Variants in TENM1 observed in about 807,000 individuals in gnomAD.
TENM1 encodes the protein teneurin-1.
A neutral mutation model predicts 174.8 loss-of-function variants in TENM1; 35 were observed. The ratio of observed to expected loss-of-function variants is 0.20; its 90% CI spans 0.15 to 0.27. The LOEUF is 0.27. Among genes scored for constraint, TENM1 ranks in the 10% least tolerant of loss-of-function variants. The pLI is 1.00. For synonymous variants in TENM1, 781 were observed against 798.7 expected (o/e 0.98, Z 0.37); for missense variants, 1,633 against 2,130.1 (o/e 0.77, Z 4.59).
intron 3 of TENM1, among the ~76,000 whole-genome samples, chrX:124,865,047 G>T (rs1344168248): frequency 1.8e-5 from 2 of 111,146 alleles, no homozygotes; most frequent in East Asian, 5.7e-4. Context: ...AGAAACAAAG[G>T]CTTCCCCAGA....
At chrX:125,070,552 T>TG in the TENM1 span, among the ~76,000 whole-genome samples, 1 of 111,513 alleles carries the variant, frequency 9.0e-6, no homozygotes, top group Non-Finnish European at 1.9e-5. Context: ...CAAGTTTACT[T>TG]GTTAAGGTTC....
intron 11 of TENM1, among the ~76,000 whole-genome samples, chrX:124,569,454 C>T (rs755482973): frequency 1.8e-5 from 2 of 111,797 alleles, no homozygotes; most frequent in Non-Finnish European, 3.8e-5. Flanking sequence ...ACAAAATACA[C>T]ATAATGTATT....
chrX:124,799,198 TTAAAG>T (rs1300985173), intron 3 of TENM1, among the ~76,000 whole-genome samples: 4 of 111,635 alleles, frequency 3.6e-5, no homozygotes, highest in African/African-American at 9.8e-5. Flanking sequence ...CATATGAAAT[TTAAAG>T]TAGTTTTTTT....
At chrX:124,472,273 C>T (rs1334930564) in intron 22 of TENM1, among the ~76,000 whole-genome samples, 2 of 99,837 alleles carry the variant, frequency 2.0e-5, no homozygotes, top group Admixed American at 1.1e-4. Context: ...TTTAAACATC[C>T]CCTATTTTCT....
At chrX:124,751,953 C>T (rs1008461936) in intron 3 of TENM1, among the ~76,000 whole-genome samples, 4 of 110,538 alleles carry the variant, frequency 3.6e-5, no homozygotes, top group African/African-American at 9.9e-5. Flanking sequence ...AATAAACATA[C>T]GTGTGCATGT....
chrX:124,601,050 T>C (rs1478164249), intron 11 of TENM1, among the ~76,000 whole-genome samples: 1 of 111,857 alleles, frequency 8.9e-6, no homozygotes, highest in Non-Finnish European at 1.9e-5. Flanking sequence ...GTCCACAACT[T>C]ATTCTTGAGT....
intron 3 of TENM1, among the ~76,000 whole-genome samples, chrX:124,746,526 C>A (rs1268199834): frequency 9.0e-6 from 1 of 111,394 alleles, no homozygotes; most frequent in African/African-American, 3.3e-5. Context: ...CCTTCAAAGT[C>A]TGATTCATTC....
chrX:124,415,720 C>G (rs1306006771), intron 25 of TENM1, among the ~76,000 whole-genome samples: 2 of 111,436 alleles, frequency 1.8e-5, no homozygotes, highest in Admixed American at 1.9e-4. Flanking sequence ...TGGTTACTCA[C>G]CAATGATGTT....
chrX:124,655,224 C>G (rs905957842), intron 6 of TENM1, among the ~76,000 whole-genome samples: 1 of 111,405 alleles, frequency 9.0e-6, no homozygotes, highest in Non-Finnish European at 1.9e-5. Context: ...TTAGACAGTG[C>G]TAATAGCAAA....
chrX:124,377,114 G>A (rs1391193634), exon 32 of TENM1: 1 of 108,599 alleles, frequency 9.2e-6, no homozygotes, highest in Non-Finnish European at 1.9e-5. Context: ...GCCTGGTCTA[G>A]TTAAAAATAT....
intron 5 of TENM1, among the ~76,000 whole-genome samples, chrX:124,693,614 A>T (rs925956369): frequency 2.7e-5 from 3 of 110,713 alleles, no homozygotes; most frequent in Non-Finnish European, 5.7e-5. Flanking sequence ...AGTTTAGTCA[A>T]CTCTCATTTT....
chrX:124,798,075 T>C lies in TENM1; in HGVS notation c.536-60878A>G, dbSNP rs138563896. Among the ~76,000 whole-genome samples, 546 of 112,216 alleles carry C rather than the reference T, an allele frequency of 4.9e-3. 2 individuals are homozygous for C. Among genetic ancestry groups the C allele is most frequent in the African/African-American group, 0.016 (503 of 30,867 alleles). ...TATTCCATATATGTGCCACATTTTCTTTATCCAGTCTATCATCAATGGGCA... is the reference window on the plus strand; with the variant it reads ...TATTCCATATATGTGCCACATTTTCCTTATCCAGTCTATCATCAATGGGCA... On this transcript the variant is annotated intron_variant, in intron 3 of 31. Transcript: ENST00000422452.
the TENM1 span, among the ~76,000 whole-genome samples, chrX:125,101,108 C>T: frequency 1.6e-4 from 18 of 111,621 alleles, no homozygotes; most frequent in East Asian, 2.8e-4. Context: ...AGTTAATGTA[C>T]GCCTGGCACA....
At chrX:124,874,608 C>G (rs2057166166) in intron 3 of TENM1, among the ~76,000 whole-genome samples, 1 of 110,464 alleles carries the variant, frequency 9.1e-6, no homozygotes, top group Admixed American at 9.7e-5. Context: ...TGGGCTATAT[C>G]TAGAAAAGGT....
the TENM1 span, among the ~76,000 whole-genome samples, chrX:125,154,202 C>G: frequency 6.3e-5 from 7 of 110,514 alleles, no homozygotes; most frequent in East Asian, 2.0e-3. Context: ...GCATTTGGAG[C>G]CAATATACAC....
chrX:124,483,722 C>T (rs73215105), intron 21 of TENM1, among the ~76,000 whole-genome samples: 379 of 111,888 alleles, frequency 3.4e-3, no homozygotes, highest in Middle Eastern at 0.018. Context: ...GTTCTAGAGA[C>T]CTACTTGTGT....
At chrX:124,968,079 A>G (rs1393359445), upstream of TENM1, among the ~76,000 whole-genome samples, 1 of 112,298 alleles carries the variant, frequency 8.9e-6, no homozygotes, top group Non-Finnish European at 1.9e-5. Flanking sequence ...GTAAATAAAA[A>G]TGGTTGCTGA....
At chrX:125,097,901 A>G in the TENM1 span, among the ~76,000 whole-genome samples, 1 of 112,616 alleles carries the variant, frequency 8.9e-6, no homozygotes, top group Non-Finnish European at 1.9e-5. Flanking sequence ...TCTGTCATCA[A>G]CTTGGCCTCC....
At chrX:124,872,660 A>C (rs1409383979) in intron 3 of TENM1, among the ~76,000 whole-genome samples, 1 of 112,220 alleles carries the variant, frequency 8.9e-6, no homozygotes, top group Non-Finnish European at 1.9e-5. Flanking sequence ...TCAAAGGAAA[A>C]TAGCATGGTA....
Sources: allele counts gnomAD v4.1 joint callset (sites outside exome capture counted in the v4.1 genomes callset), GRCh38; gene constraint gnomAD v4.1.1; transcripts MANE v1.5; gene names NCBI Gene and HGNC (gene_info 2026-07-23, HGNC 2026-07-21).